OXR1: variants seen among roughly 807,000 people sequenced by gnomAD.
The protein encoded by OXR1 is oxidation resistance 1.
Under a neutral mutation model 104.6 loss-of-function variants are expected in OXR1, and 41 were observed. That is an observed-to-expected ratio of 0.39 (90% CI 0.31 to 0.51). OXR1 has a LOEUF of 0.51. Among genes scored for constraint, OXR1 ranks in the 20% least tolerant of loss-of-function variants. The pLI, the probability that OXR1 is intolerant of heterozygous loss-of-function variation, is 0.77. For missense variants in OXR1, 955 were observed against 1,031.9 expected, an observed-to-expected ratio of 0.93 and a Z score of 1.02; for synonymous variants, 348 against 348.4, an observed-to-expected ratio of 1.00 and a Z score of 0.01.
intron 14 of OXR1, among the ~76,000 whole-genome samples, chr8:106,741,144 A>C (rs1834885632): frequency 6.6e-6 from 1 of 152,198 alleles, no homozygotes; most frequent in Non-Finnish European, 1.5e-5. Flanking sequence ...ACATAAGCTC[A>C]TCAACTTGCC....
intron 6 of OXR1, 142 bp downstream of exon 6, chr8:106,684,501 C>G (rs547064249): frequency 1.7e-6 from 1 of 582,396 alleles, no homozygotes; most frequent in East Asian, 2.7e-5. Flanking sequence ...TTGTAAATCC[C>G]AGCTTTAAAA....
Position 106,590,223 on chromosome 8 carries a change from T to G in OXR1, c.220+71084T>G, listed in dbSNP as rs567823744. On this transcript the variant is annotated intron_variant, in intron 3 of 16. Transcript: ENST00000517566. The stretch of plus-strand genomic sequence containing the variant: ...CCTTTTTGAAATCAGTTATTAATAT[T>G]ATTCTTTCCCCATTTCCATCTAAAT... Among the ~76,000 whole-genome samples the G allele has an allele frequency of 2.0e-5, 3 of 152,358 alleles. No homozygotes were observed. The East Asian group carries it at 5.8e-4, about 29-fold the overall frequency.
At chr8:106,501,510 G>A (rs958142466) in intron 2 of OXR1, among the ~76,000 whole-genome samples, 8 of 152,172 alleles carry the variant, frequency 5.3e-5, no homozygotes, top group Non-Finnish European at 1.0e-4. Flanking sequence ...TTTGCTCTTC[G>A]TTTGCAGAAT....
chr8:106,699,091 C>T (rs1376352092), intron 7 of OXR1, among the ~76,000 whole-genome samples: 2 of 152,150 alleles, frequency 1.3e-5, no homozygotes, highest in African/African-American at 4.8e-5. Context: ...CCAGAATAGC[C>T]TTTAGTGTGT....
At chr8:106,668,011 T>C (rs1367287532) in intron 3 of OXR1, among the ~76,000 whole-genome samples, 1 of 151,556 alleles carries the variant, frequency 6.6e-6, no homozygotes, top group African/African-American at 2.4e-5. Context: ...GTTATTACAA[T>C]CTTGTTTCAG....
rs74308033 is a variant in OXR1 at position 106,715,935 on chromosome 8, G to A, written c.1956+1950G>A. Among the ~76,000 whole-genome samples the A allele has an allele frequency of 7.2e-5, 11 of 152,292 alleles. 1 individual carries two copies. In the East Asian group the frequency reaches 1.9e-3, roughly 27 times the overall value. On this transcript the variant is annotated intron_variant, in intron 11 of 16. Coordinates refer to ENST00000517566, the MANE Select transcript of OXR1 (RefSeq NM_001198533.2). ...AATTTTGGAAACTCCTTGCTACATT[G>A]TCTGAAAATATTACCGCAGTATCCA...
At chr8:106,295,622 A>T (rs1812963082) in intron 1 of OXR1, among the ~76,000 whole-genome samples, 2 of 152,138 alleles carry the variant, frequency 1.3e-5, no homozygotes, top group Non-Finnish European at 2.9e-5. Flanking sequence ...ACCTCTGAGA[A>T]TCTAAAGAGT....
At chr8:106,368,116 G>GGAATAATT (rs1259982869) in intron 2 of OXR1, among the ~76,000 whole-genome samples, 1 of 152,112 alleles carries the variant, frequency 6.6e-6, no homozygotes, top group Non-Finnish European at 1.5e-5. Context: ...TTCAGTGATA[G>GGAATAATT]GAATAATTGA....
At chr8:106,354,694 A>G (rs560926362) in intron 1 of OXR1, among the ~76,000 whole-genome samples, 1 of 152,248 alleles carries the variant, frequency 6.6e-6, no homozygotes, top group South Asian at 2.1e-4. Flanking sequence ...TAGAAAACCT[A>G]TATTTATTAT....
intron 3 of OXR1, among the ~76,000 whole-genome samples, chr8:106,602,775 C>T (rs1292275618): frequency 6.6e-6 from 1 of 151,962 alleles, no homozygotes; most frequent in Non-Finnish European, 1.5e-5. Context: ...TACTTTTTCT[C>T]CACTTAACAG....
chr8:106,725,159 A>C (rs1176793789), intron 11 of OXR1, among the ~76,000 whole-genome samples: 1 of 151,960 alleles, frequency 6.6e-6, no homozygotes, highest in African/African-American at 2.4e-5. Flanking sequence ...AATGAGAGGA[A>C]TAGGGGAAAT....
At chr8:106,495,734 C>T (rs963532746) in intron 2 of OXR1, among the ~76,000 whole-genome samples, 2 of 152,060 alleles carry the variant, frequency 1.3e-5, no homozygotes, top group African/African-American at 4.8e-5. Flanking sequence ...CCTTTCTGCA[C>T]CACAATCCCC....
chr8:106,380,264 T>C (rs1817090196), intron 2 of OXR1, among the ~76,000 whole-genome samples: 1 of 150,946 alleles, frequency 6.6e-6, no homozygotes, highest in Non-Finnish European at 1.5e-5. Context: ...AACATAATGT[T>C]TTCAAGATTT....
intron 2 of OXR1, among the ~76,000 whole-genome samples, chr8:106,371,266 TTG>T (rs1816695386): frequency 6.6e-6 from 1 of 152,140 alleles, no homozygotes; most frequent in Non-Finnish European, 1.5e-5. Context: ...TCTTTTTTTA[TTG>T]TGTCTATTTG....
intron 3 of OXR1, among the ~76,000 whole-genome samples, chr8:106,621,136 T>C (rs1365067089): frequency 6.6e-6 from 1 of 152,326 alleles, no homozygotes. Flanking sequence ...GCTGAATGCA[T>C]GCCAATCTCT....
At chr8:106,612,258 G>A (rs1309712897) in intron 3 of OXR1, among the ~76,000 whole-genome samples, 2 of 151,980 alleles carry the variant, frequency 1.3e-5, no homozygotes, top group South Asian at 2.1e-4. Flanking sequence ...AAGGAAACTG[G>A]AGAAGAAAAT....
intron 2 of OXR1, among the ~76,000 whole-genome samples, chr8:106,437,446 C>G (rs1178379111): frequency 6.6e-6 from 1 of 152,104 alleles, no homozygotes; most frequent in African/African-American, 2.4e-5. Flanking sequence ...CTATTTTCTG[C>G]CTTTTACACC....
chr8:106,293,316 C>T lies in OXR1; in HGVS notation c.-139+22949C>T, dbSNP rs1000576606. Among the ~76,000 whole-genome samples the T allele has an allele frequency of 4.6e-5, 7 of 152,230 alleles. No individual in the cohort carries two copies. The East Asian group carries it at 5.8e-4, about 13-fold the overall frequency. Reference sequence around the variant, plus strand: ...ATTCTAGCACAGTCCCTTATCTTGTCGTAGACTGGAAGGCACTTCCAGACA... The same window carrying T: ...ATTCTAGCACAGTCCCTTATCTTGTTGTAGACTGGAAGGCACTTCCAGACA... On this transcript the variant is annotated intron_variant, in intron 1 of 16. Coordinates refer to ENST00000517566, the MANE Select transcript of OXR1 (RefSeq NM_001198533.2).
intron 15 of OXR1, 40 bp downstream of exon 15, chr8:106,742,357 GACATA>G (rs770672760): frequency 8.7e-7 from 1 of 1,154,528 alleles, no homozygotes. Context: ...ATAAAGAGTT[GACATA>G]ACATACTGCC....
Sources: gnomAD v4.1 joint callset for allele counts (sites outside exome capture counted in the v4.1 genomes callset) on GRCh38, gnomAD v4.1.1 for gene constraint, MANE v1.5 for transcripts, NCBI Gene and HGNC (gene_info 2026-07-23, HGNC 2026-07-21) for gene names.